FSTL1: variants seen among roughly 807,000 people sequenced by gnomAD.
FSTL1 encodes the protein follistatin-related protein 1.
A neutral mutation model predicts 45.9 loss-of-function variants in FSTL1; 24 were observed. The ratio of observed to expected loss-of-function variants is 0.52; its 90% CI spans 0.38 to 0.74. FSTL1 has a LOEUF of 0.74. Among genes scored for constraint, FSTL1 ranks in the 30% least tolerant of loss-of-function variants. The pLI, the probability that FSTL1 is intolerant of heterozygous loss-of-function variation, is 0.00. For missense variants in FSTL1, 340 were observed against 381.8 expected, an observed-to-expected ratio of 0.89 and a Z score of 0.91; for synonymous variants, 120 against 137.6, an observed-to-expected ratio of 0.87 and a Z score of 0.89.
chr3:120,395,907 C>A lies in FSTL1; in HGVS notation c.*1045G>T. On this transcript the variant is annotated 3_prime_UTR_variant, in exon 11 of 11. Transcript: ENST00000295633. Reference sequence around the variant, plus strand: ...AAGCCCTGCTTGGCTGCCCTTGTCGCCATCCTTGGGAATACTGATTTGCCT... The same window carrying A: ...AAGCCCTGCTTGGCTGCCCTTGTCGACATCCTTGGGAATACTGATTTGCCT... 3.0e-6 allele frequency: 1 copy of A among 329,240 alleles called. No individual in the cohort carries two copies. Among genetic ancestry groups the A allele is most frequent in the South Asian group, 2.6e-5 (1 of 38,826 alleles). 20.4% of individuals were successfully genotyped at this position (329,240 alleles called of 1,614,324 possible).
At chr3:120,410,790 T>C (rs1434828650) in intron 5 of FSTL1, 162 bp downstream of exon 5, 1 of 734,418 alleles carries the variant, frequency 1.4e-6, no homozygotes. Flanking sequence ...AAATGTAGTT[T>C]TGCAGCTTTT....
intron 2 of FSTL1, among the ~76,000 whole-genome samples, chr3:120,422,210 T>A (rs1298485850): frequency 6.6e-6 from 1 of 152,202 alleles, no homozygotes; most frequent in Admixed American, 6.5e-5. Context: ...CATTTGGGGG[T>A]ACAAAGTTTC....
chr3:120,420,484 C>G (rs904595853), intron 2 of FSTL1, among the ~76,000 whole-genome samples: 1 of 152,206 alleles, frequency 6.6e-6, no homozygotes, highest in Non-Finnish European at 1.5e-5. Context: ...CATCATCTTC[C>G]TGACCAGTCT....
At chr3:120,438,033 T>C (rs969383746) in intron 2 of FSTL1, among the ~76,000 whole-genome samples, 4 of 152,208 alleles carry the variant, frequency 2.6e-5, no homozygotes, top group African/African-American at 9.6e-5. Context: ...ATCCTGATCA[T>C]GGGCCAGGCA....
rs532612165 is a variant in FSTL1, at chr3:120,401,771, A to G, written c.805+1037T>C. On this transcript the variant is annotated intron_variant, in intron 9 of 10. Coordinates refer to ENST00000295633, the MANE Select transcript of FSTL1 (RefSeq NM_007085.5). ...CTAATTTTCACATTTTTGTAGGGAC[A>G]TGGTCTCGCTATGTTGGCAAGGCTG... 2.0e-5 allele frequency among the ~76,000 whole-genome samples: 3 copies of G among 152,184 alleles called. No individual in the cohort carries two copies. The South Asian group carries it at 6.2e-4, about 32-fold the overall frequency.
At chr3:120,430,747 C>T (rs570697664) in intron 2 of FSTL1, among the ~76,000 whole-genome samples, 1 of 152,254 alleles carries the variant, frequency 6.6e-6, no homozygotes, top group African/African-American at 2.4e-5. Context: ...TGCCAAGTGC[C>T]AGGGGCTCAA....
intron 2 of FSTL1, among the ~76,000 whole-genome samples, chr3:120,448,098 T>C (rs1364704135): frequency 6.6e-6 from 1 of 152,244 alleles, no homozygotes; most frequent in East Asian, 1.9e-4. Flanking sequence ...TCTTCAAATA[T>C]CAACATGATT....
rs1937010576 is a variant in FSTL1 at position 120,409,588 on chromosome 3, C to T, written c.406G>A (p.Asp136Asn). Reference sequence around the variant, plus strand: ...TTGCTGCCTTTAGAGAACCAGCCATCTGGAATGATCTCAGCTTCCAGCCAC... The same window carrying T: ...TTGCTGCCTTTAGAGAACCAGCCATTTGGAATGATCTCAGCTTCCAGCCAC... ...IQWLEAEIIPDGWFSKGSNYS... is the reference protein window; with the variant it reads ...IQWLEAEIIPNGWFSKGSNYS... The change falls in exon 6 of 11, where the codon GAT becomes AAT. Residue 136 changes from aspartate (D) to asparagine (N), a missense_variant. Transcript: ENST00000295633. 6.2e-7 allele frequency: 1 copy of T among 1,613,960 alleles called. No homozygotes were observed. The highest frequency in any genetic ancestry group is 8.5e-7 in the Non-Finnish European group (1 of 1,179,828).
intron 6 of FSTL1, among the ~76,000 whole-genome samples, chr3:120,405,777 A>T (rs1259742946): frequency 6.6e-6 from 1 of 152,262 alleles, no homozygotes; most frequent in Non-Finnish European, 1.5e-5. Context: ...GACCTCAGCC[A>T]TCTGGGACCA....
chr3:120,430,533 A>G (rs139359452), intron 2 of FSTL1, among the ~76,000 whole-genome samples: 4 of 152,230 alleles, frequency 2.6e-5, no homozygotes, highest in Non-Finnish European at 5.9e-5. Context: ...CACCCTCTAC[A>G]GGTCCCCTGG....
chr3:120,450,508 A>G (rs770532244), intron 2 of FSTL1, among the ~76,000 whole-genome samples, 176 bp downstream of exon 2: 2 of 152,212 alleles, frequency 1.3e-5, no homozygotes, highest in Middle Eastern at 3.4e-3. Context: ...TCCTGCTTTA[A>G]AGATTTAAGT....
At chr3:120,426,471 T>C (rs1458427482) in intron 2 of FSTL1, among the ~76,000 whole-genome samples, 1 of 151,998 alleles carries the variant, frequency 6.6e-6, no homozygotes. Flanking sequence ...GCCTAAGAGG[T>C]ATCTAGTTCT....
intron 2 of FSTL1, among the ~76,000 whole-genome samples, chr3:120,436,864 T>C (rs1479469893): frequency 6.6e-6 from 1 of 152,126 alleles, no homozygotes; most frequent in African/African-American, 2.4e-5. Context: ...CTCCGAGTAT[T>C]TGTGAATGAC....
chr3:120,431,872 G>A (rs770568541), intron 2 of FSTL1, among the ~76,000 whole-genome samples: 12 of 152,190 alleles, frequency 7.9e-5, no homozygotes, highest in Non-Finnish European at 1.0e-4. Flanking sequence ...ACTGAGTAAT[G>A]AGGACCTAGT....
At position 120,425,214 on chromosome 3, in the gene FSTL1, G is replaced by A. The variant is rs142980783; in HGVS notation, c.64-9187C>T. On this transcript the variant is annotated intron_variant, in intron 2 of 10. Transcript: ENST00000295633. ...CATGCAGTCAACAGCCTGCACAATG[G>A]TATGAGAACTCTGACAGCAAAGCAG... 3.4e-3 allele frequency among the ~76,000 whole-genome samples: 522 copies of A among 152,210 alleles called. 12 individuals are homozygous for A. Among genetic ancestry groups the A allele is most frequent in the Admixed American group, 0.03 (457 of 15,296 alleles).
At chr3:120,438,754 T>G (rs1937597033) in intron 2 of FSTL1, among the ~76,000 whole-genome samples, 1 of 152,164 alleles carries the variant, frequency 6.6e-6, no homozygotes, top group South Asian at 2.1e-4. Context: ...GGGGTGCCAC[T>G]GTCTGTCCTG....
intron 10 of FSTL1, among the ~76,000 whole-genome samples, chr3:120,398,299 C>T (rs1936744919): frequency 6.6e-6 from 1 of 152,164 alleles, no homozygotes; most frequent in African/African-American, 2.4e-5. Flanking sequence ...CTAGCAGACA[C>T]TGGTGTTCCA....
rs1936686459 is a variant in FSTL1 at position 120,395,785 on chromosome 3, GCTCA to G, written c.*1163_*1166del. The G allele has an allele frequency of 2.3e-5, 12 of 514,312 alleles. No individual in the cohort carries two copies. The highest frequency in any genetic ancestry group is 1.6e-4 in the South Asian group (11 of 67,974). 31.9% of individuals were successfully genotyped at this position (514,312 alleles called of 1,614,324 possible). A position where few individuals can be genotyped will look rare whatever the true frequency, so the allele number is the denominator to read the frequency against. On this transcript the variant is annotated 3_prime_UTR_variant, in exon 11 of 11. Coordinates refer to ENST00000295633, the MANE Select transcript of FSTL1 (RefSeq NM_007085.5). Reference sequence around the variant, plus strand: ...TCAAAAGGTTAGTGCATTCTTACCAGCTCACTGAGGAAACTGAGGTCCAGAAAAA... The same window carrying G: ...TCAAAAGGTTAGTGCATTCTTACCAGCTGAGGAAACTGAGGTCCAGAAAAA...
intron 2 of FSTL1, among the ~76,000 whole-genome samples, chr3:120,440,091 C>A (rs1201190296): frequency 6.6e-6 from 1 of 152,008 alleles, no homozygotes; most frequent in Admixed American, 6.6e-5. Flanking sequence ...CCAGCCCGGG[C>A]AACAGAGCAA....
Sources: gnomAD v4.1 joint callset for allele counts (sites outside exome capture counted in the v4.1 genomes callset) on GRCh38, gnomAD v4.1.1 for gene constraint, MANE v1.5 for transcripts, NCBI Gene and HGNC (gene_info 2026-07-23, HGNC 2026-07-21) for gene names.